The following ANKAR variants were observed in gnomAD, a reference collection of about 807,000 sequenced individuals.
The protein encoded by ANKAR is ankyrin and armadillo repeat-containing protein.
ANKAR carries 136 observed loss-of-function variants against 146.2 expected under a neutral mutation model. That is an observed-to-expected ratio of 0.93 (90% CI 0.81 to 1.07). ANKAR has a LOEUF of 1.07. ANKAR is among the 50% of genes least tolerant of loss of function. The pLI is 0.00. For missense variants in ANKAR, 1,567 were observed against 1,679.9 expected (o/e 0.93, Z 1.18); for synonymous variants, 500 against 575.8 (o/e 0.87, Z 1.88).
At chr2:189,756,819 C>T (rs2046161104) in intron 18 of ANKAR, among the ~76,000 whole-genome samples, 1 of 152,094 alleles carries the variant, frequency 6.6e-6, no homozygotes, top group Admixed American at 6.6e-5. Context: ...CCTTAGAGCC[C>T]ATCCTATATT....
chr2:189,728,611 A>G (rs1269278721), intron 14 of ANKAR, 49 bp from the exon 15 acceptor site: 5 of 1,588,978 alleles, frequency 3.1e-6, no homozygotes, highest in Non-Finnish European at 4.3e-6. Flanking sequence ...TGCATAATGT[A>G]GAACAGGGCA....
intron 7 of ANKAR, among the ~76,000 whole-genome samples, chr2:189,696,597 A>C (rs2037239915): frequency 6.6e-6 from 1 of 152,098 alleles, no homozygotes; most frequent in Non-Finnish European, 1.5e-5. Flanking sequence ...ATTTGAGTAT[A>C]AGCTCTATAA....
At position 189,719,647 on chromosome 2, in the gene ANKAR, G is replaced by A; in HGVS notation, c.2300G>A (p.Ser767Asn). The change falls in exon 11 of 23, where the codon AGT becomes AAT. Residue 767 changes from serine (S) to asparagine (N), a missense_variant. By Grantham distance (46) the Ser-to-Asn change is conservative. Transcript: ENST00000684021. The stretch of plus-strand genomic sequence containing the variant: ...CAGTGCAAAACTGTTGGGTTATTGA[G>A]TAATATCTCAACCCACAAAAGTGCA... ...KLQCKTVGLL[S>N]NISTHKSAVH... 6.2e-7 allele frequency: 1 copy of A among 1,614,092 alleles called. No individual in the cohort carries two copies. Among genetic ancestry groups the A allele is most frequent in the East Asian group, 2.2e-5 (1 of 44,876 alleles).
chr2:189,730,303 A>G (rs189818808), intron 15 of ANKAR, among the ~76,000 whole-genome samples, 192 bp from the exon 16 acceptor site: 4 of 152,196 alleles, frequency 2.6e-5, no homozygotes, highest in Admixed American at 1.3e-4. Flanking sequence ...TAAAGTCTCC[A>G]TGTTTATTCA....
chr2:189,755,391 TA>T, intron 18 of ANKAR: 1 of 1,612,924 alleles, frequency 6.2e-7, no homozygotes, highest in Non-Finnish European at 8.5e-7. Context: ...AGCTGTAAGC[TA>T]AATGATAAGC....
chr2:189,721,992 A>T (rs1396068002), intron 12 of ANKAR, among the ~76,000 whole-genome samples: 1 of 152,146 alleles, frequency 6.6e-6, no homozygotes, highest in Non-Finnish European at 1.5e-5. Flanking sequence ...CAAATTCCTT[A>T]TGCTCTCTCT....
downstream of ANKAR, chr2:189,762,640 T>C (rs148428703): frequency 2.6e-4 from 252 of 985,390 alleles, 2 homozygotes; most frequent in African/African-American, 4.0e-3. Context: ...CTTTTCCAGG[T>C]GCGCAAAAGC....
intron 16 of ANKAR, among the ~76,000 whole-genome samples, chr2:189,732,423 A>T (rs892608571): frequency 6.6e-6 from 1 of 152,130 alleles, no homozygotes; most frequent in Admixed American, 6.5e-5. Flanking sequence ...GCACTTTAGG[A>T]GGACAAAGCA....
intron 10 of ANKAR, among the ~76,000 whole-genome samples, chr2:189,713,430 A>C (rs1347898199): frequency 6.6e-6 from 1 of 152,184 alleles, no homozygotes; most frequent in African/African-American, 2.4e-5. Context: ...TTGGTAGAAA[A>C]TCTACAAGCC....
chr2:189,761,971 ATTTT>A (rs1024607344), downstream of ANKAR, among the ~76,000 whole-genome samples: 7 of 152,200 alleles, frequency 4.6e-5, no homozygotes, highest in African/African-American at 1.4e-4. Context: ...AGTGCTATTT[ATTTT>A]TTGACAGCTA....
chr2:189,676,540 A>C lies in ANKAR; in HGVS notation c.50A>C (p.Asp17Ala). Residue 17 changes from aspartate to alanine, a missense_variant, in exon 2 of 23, where the codon GAT becomes GCT. Coordinates refer to ENST00000684021, the MANE Select transcript of ANKAR (RefSeq NM_001378068.1). ...TTACCTAGATTTGAGCAAGTTCAGG[A>C]TGAAGACACCTACCTGGAAAATTTA... The part of the protein sequence containing the change: ...KGLPRFEQVQ[D>A]EDTYLENLAI... 6.3e-7 allele frequency: 1 copy of C among 1,593,734 alleles called. No homozygotes were observed. The highest frequency in any genetic ancestry group is 8.5e-7 in the Non-Finnish European group (1 of 1,173,560).
In ANKAR at chr2:189,707,206, C is replaced by T. The variant is rs926740122; in HGVS notation, c.2119+60C>T. 16 of 875,872 alleles carry T rather than the reference C, an allele frequency of 1.8e-5. No individual in the cohort carries two copies. The East Asian group carries it at 4.0e-4, about 22-fold the overall frequency. The allele number at this position is 875,872 out of a possible 1,614,324, so 54.3% of individuals were successfully genotyped here. ...TTATTATTCAGTTTAGTTATTGATA[C>T]TCTGAAAGAGAGAAAATAAAATAAT... On this transcript the variant is annotated intron_variant, in intron 9 of 22. Transcript: ENST00000684021.
chr2:189,718,176 G>A (rs909629906), intron 10 of ANKAR, among the ~76,000 whole-genome samples: 7 of 152,160 alleles, frequency 4.6e-5, no homozygotes, highest in African/African-American at 1.7e-4. Context: ...TGTTCAGTTG[G>A]GCATGGTGGC....
chr2:189,707,475 A>AAAG (rs1402756714), intron 9 of ANKAR, among the ~76,000 whole-genome samples: 19 of 146,724 alleles, frequency 1.3e-4, no homozygotes, highest in Admixed American at 1.3e-3. Flanking sequence ...AAAAAAAAAA[A>AAAG]GGAAAGAGGA....
At chr2:189,733,480 T>G (rs949761856) in intron 17 of ANKAR, among the ~76,000 whole-genome samples, 2 of 152,200 alleles carry the variant, frequency 1.3e-5, no homozygotes, top group African/African-American at 4.8e-5. Flanking sequence ...AACAAATCTC[T>G]TATGTCCCAA....
chr2:189,755,646 G>A (rs1321463019), intron 18 of ANKAR: 4 of 1,402,364 alleles, frequency 2.9e-6, no homozygotes, highest in Non-Finnish European at 3.8e-6. Context: ...ATGTCTTCAA[G>A]TTAATCATTA....
At chr2:189,705,729 T>C (rs1362368581) in intron 8 of ANKAR, among the ~76,000 whole-genome samples, 1 of 152,090 alleles carries the variant, frequency 6.6e-6, no homozygotes, top group African/African-American at 2.4e-5. Flanking sequence ...GGAAAAGAAA[T>C]ACATTAAAAA....
Position 189,720,765 on chromosome 2 carries a change from C to A in ANKAR, c.2613C>A (p.Ile871=). The A allele has an allele frequency of 6.7e-7, 1 of 1,497,506 alleles. No individual in the cohort carries two copies. The highest frequency in any genetic ancestry group is 8.9e-7 in the Non-Finnish European group (1 of 1,129,696). The allele number at this position is 1,497,506 out of a possible 1,614,324, so 92.8% of individuals were successfully genotyped here. ...VREHKGLPYL[I]RFLSSDSDVL... is the part of the protein sequence containing the mutation. ...AACATAAAGGCCTCCCATATCTTATCAGATTTCTGAGTTCTGATTCAGGTG... is the reference window on the plus strand; with the variant it reads ...AACATAAAGGCCTCCCATATCTTATAAGATTTCTGAGTTCTGATTCAGGTG... Residue 871 remains isoleucine, a synonymous_variant, in exon 12 of 23, where the codon ATC becomes ATA. Transcript: ENST00000684021.
At chr2:189,705,991 G>A (rs912080446) in intron 8 of ANKAR, among the ~76,000 whole-genome samples, 1 of 151,436 alleles carries the variant, frequency 6.6e-6, no homozygotes, top group Non-Finnish European at 1.5e-5. Flanking sequence ...TGGCTTGACA[G>A]TATGAGGGAC....
Sources: allele counts gnomAD v4.1 joint callset (sites outside exome capture counted in the v4.1 genomes callset), GRCh38; gene constraint gnomAD v4.1.1; transcripts MANE v1.5; gene names NCBI Gene and HGNC (gene_info 2026-07-23, HGNC 2026-07-21).